The following CLCN1 variants were observed in gnomAD, a reference collection of about 807,000 sequenced individuals.
CLCN1 encodes chloride channel protein 1.
Under a neutral mutation model 114.5 loss-of-function variants are expected in CLCN1, and 100 were observed. That is an observed-to-expected ratio of 0.87 (90% CI 0.74 to 1.03). The LOEUF (loss-of-function observed/expected upper bound fraction) is 1.03, where lower values mean the gene tolerates loss of function less well. Among genes scored for constraint, CLCN1 ranks in the 50% least tolerant of loss-of-function variants. CLCN1 has a pLI of 0.00. For missense variants in CLCN1, 1,188 were observed against 1,250.0 expected (o/e 0.95, Z 0.75); for synonymous variants, 485 against 487.1 (o/e 1.00, Z 0.06).
rs1164683184 is a variant in CLCN1 at position 143,342,355 on chromosome 7, G to A, written c.1797-17G>A. On this transcript the variant is annotated splice_polypyrimidine_tract_variant and intron_variant, in intron 15 of 22. Transcript: ENST00000343257. The stretch of plus-strand genomic sequence containing the variant: ...GTATACGGTGGGGCTAACCCACCAT[G>A]CTTTCTCCCTCCATAGCAAATATAC... 6.2e-7 allele frequency: 1 copy of A among 1,614,090 alleles called. No individual in the cohort carries two copies. Among genetic ancestry groups the A allele is most frequent in the East Asian group, 2.2e-5 (1 of 44,878 alleles).
chr7:143,340,333 A>G (rs555536803), intron 14 of CLCN1, among the ~76,000 whole-genome samples: 1 of 152,254 alleles, frequency 6.6e-6, no homozygotes, highest in East Asian at 1.9e-4. Context: ...CTTGTTCTCC[A>G]TCTTCATGAC....
intron 7 of CLCN1, 129 bp from the exon 8 acceptor site, chr7:143,330,643 A>T: frequency 1.6e-6 from 2 of 1,226,446 alleles, no homozygotes; most frequent in South Asian, 1.3e-5. Context: ...CCAAGAGATC[A>T]TTACTTTCCA....
rs776856060 is a variant in CLCN1 at position 143,346,641 on chromosome 7, A to G, written c.2347A>G (p.Lys783Glu). The G allele has an allele frequency of 3.7e-6, 6 of 1,613,528 alleles. No individual in the cohort carries two copies. In the African/African-American group the frequency reaches 8.0e-5, roughly 22 times the overall value. ...HCLLGRARPTKKKTTQDSTDL... is the reference protein window; with the variant it reads ...HCLLGRARPTEKKTTQDSTDL... ...CTTGCTGGGCAGAGCTCGCCCCACAAAGAAGAAAACAACCCAGGTGAGAGG... is the reference window on the plus strand; with the variant it reads ...CTTGCTGGGCAGAGCTCGCCCCACAGAGAAGAAAACAACCCAGGTGAGAGG... The change falls in exon 19 of 23, where the codon AAG becomes GAG. Residue 783 changes from lysine to glutamate, a missense_variant. Physicochemically the swap from Lys to Glu is moderately conservative, Grantham distance 56. Coordinates refer to ENST00000343257, the MANE Select transcript of CLCN1 (RefSeq NM_000083.3).
At chr7:143,336,533 G>T (rs1444571940) in intron 12 of CLCN1, among the ~76,000 whole-genome samples, 1 of 148,364 alleles carries the variant, frequency 6.7e-6, no homozygotes, top group African/African-American at 2.5e-5. Context: ...TTGCTTGAAC[G>T]CGGGAGCCAG....
chr7:143,338,871 G>A (rs1802998433), intron 12 of CLCN1, among the ~76,000 whole-genome samples: 2 of 151,960 alleles, frequency 1.3e-5, no homozygotes, highest in Admixed American at 6.6e-5. Context: ...GTCTTCAAGA[G>A]TTTCAGGCTA....
At chr7:143,320,559 C>G (rs922846424) in intron 2 of CLCN1, 105 bp from the exon 3 acceptor site, 327 of 609,518 alleles carry the variant, frequency 5.4e-4, no homozygotes, top group Middle Eastern at 1.0e-3. Flanking sequence ...GCTTTTCTCT[C>G]TCTCTCTCTC....
At chr7:143,323,774 G>GC (rs1563075485) in intron 6 of CLCN1, 1 of 480,710 alleles carries the variant, frequency 2.1e-6, no homozygotes, top group African/African-American at 2.0e-5. Context: ...CGTCCCGCCT[G>GC]CCCCACCCCT....
At chr7:143,319,228 G>A (rs1262488701) in intron 1 of CLCN1, among the ~76,000 whole-genome samples, 1 of 152,196 alleles carries the variant, frequency 6.6e-6, no homozygotes, top group Non-Finnish European at 1.5e-5. Context: ...GAAGTGGATG[G>A]TCTTGAAGCT....
chr7:143,316,239 T>G lies in CLCN1; in HGVS notation c.27T>G (p.Arg9=), dbSNP rs1255585330. 6.2e-7 allele frequency: 1 copy of G among 1,613,248 alleles called. No homozygotes were observed. Among genetic ancestry groups the G allele is most frequent in the African/African-American group, 1.3e-5 (1 of 74,870 alleles). ...TGGAGCAATCCCGGTCACAGCAGCG[T>G]GGGGGTGAACAAAGCTGGTGGGGTA... is the stretch of plus-strand genomic sequence containing the variant. The part of the protein sequence containing the change: MEQSRSQQ[R]GGEQSWWGSD... Residue 9 remains arginine, a synonymous_variant, in exon 1 of 23, where the codon CGT becomes CGG. Coordinates refer to ENST00000343257, the MANE Select transcript of CLCN1 (RefSeq NM_000083.3).
chr7:143,347,545 C>T (rs3829001), intron 20 of CLCN1, among the ~76,000 whole-genome samples: 37,191 of 146,904 alleles, frequency 0.25, 4,898 homozygotes, highest in African/African-American at 0.35. Flanking sequence ...CACTTGAACC[C>T]GGGAGGTGGG....
Position 143,342,006 on chromosome 7 carries a change from G to A in CLCN1, c.1660G>A (p.Ala554Thr), listed in dbSNP as rs1803090721. The change falls in exon 15 of 23, where the codon GCT becomes ACT. Residue 554 changes from alanine to threonine, a missense_variant. Transcript: ENST00000343257. ...TTGCTTCGAATTAACGGGTCAGATT[G>A]CTCACATCCTGCCCATGATGGTGGC... ...VICFELTGQI[A>T]HILPMMVAVI... 3 of 1,614,192 alleles carry A rather than the reference G, an allele frequency of 1.9e-6. No homozygotes were observed. The highest frequency in any genetic ancestry group is 1.7e-6 in the Non-Finnish European group (2 of 1,180,040).
chr7:143,338,848 C>T (rs1586506997), intron 12 of CLCN1, among the ~76,000 whole-genome samples: 1 of 151,534 alleles, frequency 6.6e-6, no homozygotes, highest in Non-Finnish European at 1.5e-5. Context: ...GAAATATAAC[C>T]TGAGTAGGAA....
At chr7:143,336,535 G>A (rs1396070183) in intron 12 of CLCN1, among the ~76,000 whole-genome samples, 9 of 150,410 alleles carry the variant, frequency 6.0e-5, no homozygotes, top group South Asian at 4.2e-4. Flanking sequence ...GCTTGAACGC[G>A]GGAGCCAGAG....
chr7:143,332,266 C>T (rs1180513141), intron 10 of CLCN1, among the ~76,000 whole-genome samples, 153 bp from the exon 11 acceptor site: 1 of 152,170 alleles, frequency 6.6e-6, no homozygotes, highest in Non-Finnish European at 1.5e-5. Context: ...CCGCACTCGG[C>T]CTCAAATATT....
intron 1 of CLCN1, among the ~76,000 whole-genome samples, chr7:143,319,300 A>G (rs898894625): frequency 6.6e-6 from 1 of 152,110 alleles, no homozygotes; most frequent in Non-Finnish European, 1.5e-5. Context: ...TGCAACCAAG[A>G]CTGCCCTGCT....
intron 12 of CLCN1, among the ~76,000 whole-genome samples, chr7:143,334,102 A>G (rs1158413827): frequency 6.6e-6 from 1 of 152,166 alleles, no homozygotes; most frequent in Non-Finnish European, 1.5e-5. Flanking sequence ...AATCCCAGTT[A>G]CTTGGGAGGC....
At chr7:143,328,860 C>T (rs1021300203) in intron 7 of CLCN1, among the ~76,000 whole-genome samples, 3 of 152,158 alleles carry the variant, frequency 2.0e-5, no homozygotes, top group Non-Finnish European at 2.9e-5. Context: ...CTTCTTTCCT[C>T]ATCCTGTCCT....
At chr7:143,346,084 G>A in intron 17 of CLCN1, 56 bp from the exon 18 acceptor site, 1 of 1,170,952 alleles carries the variant, frequency 8.5e-7, no homozygotes, top group Non-Finnish European at 1.3e-6. Flanking sequence ...GGTAAAGGCA[G>A]TGAAGGCCCA....
At chr7:143,320,826 C>A (rs781178074) in intron 3 of CLCN1, 31 bp downstream of exon 3, 11 of 1,613,222 alleles carry the variant, frequency 6.8e-6, no homozygotes, top group Non-Finnish European at 9.3e-6. Context: ...TGCCCACAGC[C>A]GTTTCTGGAG....
Sources: allele counts gnomAD v4.1 joint callset (sites outside exome capture counted in the v4.1 genomes callset), GRCh38; gene constraint gnomAD v4.1.1; transcripts MANE v1.5; gene names NCBI Gene and HGNC (gene_info 2026-07-23, HGNC 2026-07-21).